SPNS3: variants seen among roughly 807,000 people sequenced by gnomAD.
The protein encoded by SPNS3 is protein spinster homolog 3.
A neutral mutation model predicts 54.4 loss-of-function variants in SPNS3; 51 were observed. That is an observed-to-expected ratio of 0.94 (90% CI 0.75 to 1.18). SPNS3 has a LOEUF of 1.18. Among genes scored for constraint, SPNS3 ranks in the 50% most tolerant of loss-of-function variants. The pLI, the probability that SPNS3 is intolerant of heterozygous loss-of-function variation, is 0.00. For synonymous variants in SPNS3, 309 were observed against 294.7 expected (o/e 1.05, Z -0.50); for missense variants, 669 against 677.4 (o/e 0.99, Z 0.14).
At chr17:4,471,789 G>T (rs1365479718) in intron 8 of SPNS3, among the ~76,000 whole-genome samples, 1 of 151,670 alleles carries the variant, frequency 6.6e-6, no homozygotes, top group Non-Finnish European at 1.5e-5. Context: ...TCACTGCATT[G>T]TTTTATAGCT....
intron 8 of SPNS3, among the ~76,000 whole-genome samples, chr17:4,461,073 A>G (rs1971486235): frequency 6.6e-6 from 1 of 152,104 alleles, no homozygotes; most frequent in Admixed American, 6.5e-5. Flanking sequence ...GAGTTGTTTC[A>G]GTAGTTTGTA....
At chr17:4,473,227 G>A (rs1281904261) in intron 8 of SPNS3, among the ~76,000 whole-genome samples, 1 of 152,038 alleles carries the variant, frequency 6.6e-6, no homozygotes, top group African/African-American at 2.4e-5. Context: ...TCTTTGCACA[G>A]GAGTTGACCC....
intron 1 of SPNS3, among the ~76,000 whole-genome samples, chr17:4,436,144 T>C (rs1295237842): frequency 6.6e-6 from 1 of 152,088 alleles, no homozygotes; most frequent in Non-Finnish European, 1.5e-5. Flanking sequence ...ATGGCAGTCC[T>C]GCGAGGCGGA....
chr17:4,438,274 C>T (rs531761425), intron 1 of SPNS3, among the ~76,000 whole-genome samples: 1 of 152,302 alleles, frequency 6.6e-6, no homozygotes, highest in East Asian at 1.9e-4. Context: ...GATTTGAGCC[C>T]CAGCTCCCCC....
chr17:4,440,796 G>T (rs929110851), intron 2 of SPNS3, among the ~76,000 whole-genome samples: 1 of 152,188 alleles, frequency 6.6e-6, no homozygotes, highest in African/African-American at 2.4e-5. Flanking sequence ...AGAGAAACGT[G>T]CTGGGGAGAT....
chr17:4,463,570 A>G, intron 8 of SPNS3, among the ~76,000 whole-genome samples: 1 of 151,606 alleles, frequency 6.6e-6, no homozygotes, highest in East Asian at 1.9e-4. Context: ...CCCTGTCCCC[A>G]CTAAAAATAT....
intron 8 of SPNS3, among the ~76,000 whole-genome samples, chr17:4,468,795 C>CTT (rs1174872321): frequency 9.3e-6 from 1 of 107,766 alleles, no homozygotes; most frequent in Non-Finnish European, 2.0e-5. Flanking sequence ...CTCTCTCTTT[C>CTT]TTTTTTTTTT....
intron 1 of SPNS3, among the ~76,000 whole-genome samples, chr17:4,436,936 C>T (rs561586880): frequency 6.6e-6 from 1 of 152,162 alleles, no homozygotes. Context: ...ACCCACGAGC[C>T]TGGGGACCCG....
intron 2 of SPNS3, 33 bp downstream of exon 2, chr17:4,439,756 C>A (rs1194175281): frequency 6.3e-7 from 1 of 1,588,446 alleles, no homozygotes; most frequent in Admixed American, 1.7e-5. Context: ...GAGCCGGGGC[C>A]CTGGGTTCAT....
At chr17:4,439,416 G>A (rs115132441) in intron 1 of SPNS3, among the ~76,000 whole-genome samples, 10,078 of 152,184 alleles carry the variant, frequency 0.066, 1,111 homozygotes, top group African/African-American at 0.23. Flanking sequence ...GTGAGCCACC[G>A]TGCCCAGCCA....
At chr17:4,475,040 C>T (rs968377816) in intron 8 of SPNS3, among the ~76,000 whole-genome samples, 6 of 151,710 alleles carry the variant, frequency 4.0e-5, no homozygotes, top group South Asian at 4.2e-4. Context: ...CATGTTGGCG[C>T]GGCCGCATGT....
In SPNS3 at chr17:4,478,605, T is replaced by C; in HGVS notation, c.1147T>C (p.Cys383Arg). The change falls in exon 9 of 12, where the codon TGC becomes CGC. Residue 383 changes from cysteine (C) to arginine (R), a missense_variant. Physicochemically the swap from Cys to Arg is radical, Grantham distance 180 (BLOSUM62 -3). Coordinates refer to ENST00000355530, the MANE Select transcript of SPNS3 (RefSeq NM_182538.5). ...FLGLGELLLSCNWAVVADILL... is the reference protein window; with the variant it reads ...FLGLGELLLSRNWAVVADILL... ...GGGCCTTGGGGAGCTGCTTCTGTCC[T>C]GCAACTGGGCAGTGGTTGCCGACAT... The C allele has an allele frequency of 6.3e-7, 1 of 1,588,818 alleles. No homozygotes were observed. The highest frequency in any genetic ancestry group is 8.6e-7 in the Non-Finnish European group (1 of 1,167,624).
rs751591899 is a variant in SPNS3 at position 4,449,392 on chromosome 17, G to A, written c.923+5G>A. ...GCCGTGCAGCAACCCCGACAGGTGAGGGCATCCGGGGGCCCTGGGCACCTG... is the reference window on the plus strand; with the variant it reads ...GCCGTGCAGCAACCCCGACAGGTGAAGGCATCCGGGGGCCCTGGGCACCTG... On this transcript the variant is annotated splice_donor_5th_base_variant and intron_variant, in intron 7 of 11. Coordinates refer to ENST00000355530, the MANE Select transcript of SPNS3 (RefSeq NM_182538.5). The A allele has an allele frequency of 1.3e-6, 2 of 1,574,820 alleles. No individual in the cohort carries two copies. Among genetic ancestry groups the A allele is most frequent in the Non-Finnish European group, 1.7e-6 (2 of 1,168,468 alleles).
At position 4,458,507 on chromosome 17, in the gene SPNS3, C is replaced by G. The variant is rs371082764; in HGVS notation, c.1113+5302C>G. On this transcript the variant is annotated intron_variant, in intron 8 of 11. Transcript: ENST00000355530. Reference sequence around the variant, plus strand: ...TTTCTTCTTTCTTTCTTTCTTTCTTCCCTTCCTCCCTCCCACCCGCCTTCC... The same window carrying G: ...TTTCTTCTTTCTTTCTTTCTTTCTTGCCTTCCTCCCTCCCACCCGCCTTCC... Among the ~76,000 whole-genome samples the G allele has an allele frequency of 2.9e-4, 15 of 51,602 alleles. No individual in the cohort carries two copies. The South Asian group carries it at 3.0e-3, about 10-fold the overall frequency. The allele number at this position is 51,602 out of a possible 152,430, so 33.9% of individuals were successfully genotyped here. A position where few individuals can be genotyped will look rare whatever the true frequency, so the allele number is the denominator to read the frequency against.
intron 8 of SPNS3, among the ~76,000 whole-genome samples, chr17:4,476,845 G>A (rs1972015297): frequency 6.6e-6 from 1 of 152,192 alleles, no homozygotes. Context: ...GGACTCCTTG[G>A]CTGGTTCTGC....
Position 4,486,484 on chromosome 17 carries a change from CTGTGCTGCGCCTT to C in SPNS3, c.1355_1367del (p.Cys452SerfsTer11). On this transcript the variant is annotated frameshift_variant, in exon 11 of 12. Coordinates refer to ENST00000355530, the MANE Select transcript of SPNS3 (RefSeq NM_182538.5). LOFTEE classifies it high-confidence loss of function. The surrounding 1 kb of genome is among the most constrained non-coding windows in gnomAD (Gnocchi z 5.5). ...CTTCCGCAGCCTGCAGCAGAGCTTC[CTGTGCTGCGCCTT>C]TGTCATCGCCCTGGGGGGCGGCTGC... 1 of 1,613,686 alleles carries C rather than the reference CTGTGCTGCGCCTT, an allele frequency of 6.2e-7. No homozygotes were observed. Among genetic ancestry groups the C allele is most frequent in the East Asian group, 2.2e-5 (1 of 44,884 alleles).
intron 8 of SPNS3, among the ~76,000 whole-genome samples, chr17:4,454,158 T>G (rs1350394664): frequency 1.3e-5 from 2 of 152,180 alleles, no homozygotes; most frequent in Non-Finnish European, 2.9e-5. Flanking sequence ...CCTGTTTGGG[T>G]CCCATGAGGC....
At chr17:4,485,521 C>G (rs1047585602) in intron 9 of SPNS3, among the ~76,000 whole-genome samples, 1 of 152,124 alleles carries the variant, frequency 6.6e-6, no homozygotes. Context: ...CCTCAACCTC[C>G]CGAGTAGCTG....
chr17:4,455,718 C>G (rs1445910516), intron 8 of SPNS3, among the ~76,000 whole-genome samples: 2 of 152,180 alleles, frequency 1.3e-5, no homozygotes, highest in East Asian at 3.9e-4. Context: ...ATCTGGCATC[C>G]CCACCCACAG....
Sources: allele counts gnomAD v4.1 joint callset (sites outside exome capture counted in the v4.1 genomes callset), GRCh38; gene constraint gnomAD v4.1.1; non-coding constraint Gnocchi (gnomAD v3.1); transcripts MANE v1.5; gene names NCBI Gene and HGNC (gene_info 2026-07-23, HGNC 2026-07-21).